The following ULK4 variants were observed in gnomAD, a reference collection of about 807,000 sequenced individuals.
ULK4 encodes inactive serine/threonine-protein kinase ULK4.
Under a neutral mutation model 160.6 loss-of-function variants are expected in ULK4, and 133 were observed. That is an observed-to-expected ratio of 0.83 (90% CI 0.72 to 0.96). ULK4 has a LOEUF of 0.96. Ranked by LOEUF, ULK4 falls within the 40% of genes least tolerant of loss-of-function variation. The probability of loss-of-function intolerance (pLI) is 0.00; values close to 1 mark genes in which losing one functional copy is unlikely to be tolerated. For missense variants in ULK4, 1,580 were observed against 1,499.5 expected (o/e 1.05, Z -0.89); for synonymous variants, 534 against 539.8 (o/e 0.99, Z 0.15).
At chr3:41,739,845 A>G (rs1485348397) in intron 22 of ULK4, among the ~76,000 whole-genome samples, 1 of 151,928 alleles carries the variant, frequency 6.6e-6, no homozygotes, top group Non-Finnish European at 1.5e-5. Flanking sequence ...TGTTCCTCAT[A>G]ACATATTAAT....
At chr3:41,773,796 G>C (rs1251994636) in intron 21 of ULK4, among the ~76,000 whole-genome samples, 5 of 152,154 alleles carry the variant, frequency 3.3e-5, no homozygotes, top group African/African-American at 1.2e-4. Context: ...AAAGCTGGAG[G>C]CATCACGCTA....
intron 35 of ULK4, among the ~76,000 whole-genome samples, chr3:41,250,060 C>T (rs1170332855): frequency 6.6e-6 from 1 of 152,186 alleles, no homozygotes; most frequent in African/African-American, 2.4e-5. Flanking sequence ...AACTAAACCC[C>T]AGGAAGTGTG....
chr3:41,574,140 T>C (rs1353575663), intron 31 of ULK4, among the ~76,000 whole-genome samples: 2 of 152,044 alleles, frequency 1.3e-5, no homozygotes, highest in African/African-American at 2.4e-5. Context: ...GATTGAGCCA[T>C]TGCACTGCAG....
chr3:41,641,818 G>A (rs1235580047), intron 30 of ULK4, among the ~76,000 whole-genome samples: 1 of 127,108 alleles, frequency 7.9e-6, no homozygotes, highest in Non-Finnish European at 1.6e-5. Context: ...CCTAATAATT[G>A]TTTAAAATGC....
chr3:41,533,964 C>T (rs1481714070), intron 32 of ULK4, among the ~76,000 whole-genome samples: 4 of 152,026 alleles, frequency 2.6e-5, no homozygotes, highest in Non-Finnish European at 5.9e-5. Flanking sequence ...CCCGCCACCA[C>T]GCCCGGCTAA....
intron 30 of ULK4, among the ~76,000 whole-genome samples, chr3:41,655,471 T>C (rs1401991234): frequency 6.6e-6 from 1 of 152,052 alleles, no homozygotes; most frequent in African/African-American, 2.4e-5. Flanking sequence ...GGCACATGTA[T>C]ACATATGTAA....
intron 34 of ULK4, among the ~76,000 whole-genome samples, chr3:41,404,902 C>T (rs2082262420): frequency 6.6e-6 from 1 of 152,204 alleles, no homozygotes; most frequent in South Asian, 2.1e-4. Flanking sequence ...TTATAAATTG[C>T]TTAGCCTCTG....
At chr3:41,784,517 C>G (rs1013980545) in intron 21 of ULK4, among the ~76,000 whole-genome samples, 1 of 152,192 alleles carries the variant, frequency 6.6e-6, no homozygotes, top group Non-Finnish European at 1.5e-5. Flanking sequence ...AAAGTCCCCT[C>G]TCATTGTGGT....
chr3:41,733,721 CAT>C (rs1282510221), intron 22 of ULK4, among the ~76,000 whole-genome samples: 1 of 137,364 alleles, frequency 7.3e-6, no homozygotes, highest in Admixed American at 7.0e-5. Context: ...CAACTAAACA[CAT>C]GATTTTTTTT....
At chr3:41,569,646 C>T (rs2087901667) in intron 31 of ULK4, among the ~76,000 whole-genome samples, 1 of 152,174 alleles carries the variant, frequency 6.6e-6, no homozygotes, top group South Asian at 2.1e-4. Context: ...CATTCTATTA[C>T]ACCTTCACAA....
chr3:41,705,207 T>A, intron 26 of ULK4, 47 bp downstream of exon 26: 1 of 1,610,296 alleles, frequency 6.2e-7, no homozygotes, highest in Non-Finnish European at 8.5e-7. Flanking sequence ...AATCATAATA[T>A]CAAAGTACCT....
At chr3:41,709,813 CAGAG>C (rs958177786) in intron 25 of ULK4, among the ~76,000 whole-genome samples, 3 of 152,102 alleles carry the variant, frequency 2.0e-5, no homozygotes, top group Non-Finnish European at 4.4e-5. Context: ...ATAAGAAACT[CAGAG>C]AGAGAGATCT....
At chr3:41,298,323 C>T (rs934183785) in intron 35 of ULK4, among the ~76,000 whole-genome samples, 2 of 152,110 alleles carry the variant, frequency 1.3e-5, no homozygotes, top group Non-Finnish European at 2.9e-5. Context: ...TTAGCTTTTC[C>T]TAAGAGTTTA....
chr3:41,552,865 T>A (rs1575402788), intron 32 of ULK4, among the ~76,000 whole-genome samples: 1 of 152,150 alleles, frequency 6.6e-6, no homozygotes, highest in East Asian at 1.9e-4. Flanking sequence ...ATTACAAGGC[T>A]ATGTAACCAA....
intron 32 of ULK4, among the ~76,000 whole-genome samples, chr3:41,498,596 G>GT (rs1213133586): frequency 7.3e-6 from 1 of 136,920 alleles, no homozygotes; most frequent in Non-Finnish European, 1.6e-5. Context: ...TTTTTGCTTT[G>GT]TTTTTTGTTT....
At chr3:41,474,635 T>C (rs899926413) in intron 32 of ULK4, among the ~76,000 whole-genome samples, 1 of 151,426 alleles carries the variant, frequency 6.6e-6, no homozygotes, top group African/African-American at 2.4e-5. Flanking sequence ...ACAAAATATA[T>C]ATGGAACTCA....
At chr3:41,838,661 ACTAAAT>A (rs1460883228) in intron 17 of ULK4, among the ~76,000 whole-genome samples, 1 of 152,232 alleles carries the variant, frequency 6.6e-6, no homozygotes, top group East Asian at 1.9e-4. Flanking sequence ...CAATAATTAC[ACTAAAT>A]CTAAGTCAAT....
rs368711903 is a variant in ULK4, at chr3:41,822,578, C to T, written c.1765-3072G>A. 2.4e-3 allele frequency among the ~76,000 whole-genome samples: 362 copies of T among 152,026 alleles called. 1 individual carries two copies. The highest frequency in any genetic ancestry group is 4.1e-3 in the Non-Finnish European group (280 of 67,998). On this transcript the variant is annotated intron_variant, in intron 18 of 36. Transcript: ENST00000301831. ...GATTACAGGCCTGAGCCACCACACC[C>T]GGCTAATTTTTTGTAGTTTTAGTAG... is the stretch of plus-strand genomic sequence containing the variant.
At chr3:41,931,473 A>ATT (rs1553688664) in intron 5 of ULK4, among the ~76,000 whole-genome samples, 1 of 105,408 alleles carries the variant, frequency 9.5e-6, no homozygotes, top group African/African-American at 3.0e-5. Flanking sequence ...TAGAACTTAA[A>ATT]AAAAAAAAAA....
Sources: allele counts gnomAD v4.1 joint callset (sites outside exome capture counted in the v4.1 genomes callset), GRCh38; gene constraint gnomAD v4.1.1; transcripts MANE v1.5; gene names NCBI Gene and HGNC (gene_info 2026-07-23, HGNC 2026-07-21).